HAGH: variants seen among roughly 807,000 people sequenced by gnomAD.
HAGH encodes the protein hydroxyacylglutathione hydrolase, also known as hydroxyacylglutathione hydrolase, mitochondrial.
Under a neutral mutation model 35.1 loss-of-function variants are expected in HAGH, and 29 were observed. The ratio of observed to expected loss-of-function variants is 0.83; its 90% confidence interval spans 0.62 to 1.13. HAGH has a LOEUF of 1.13. HAGH is among the 50% of genes most tolerant of loss of function. The probability of loss-of-function intolerance (pLI) is 0.00; values close to 1 mark genes in which losing one functional copy is unlikely to be tolerated. For missense variants in HAGH, 478 were observed against 419.6 expected, an observed-to-expected ratio of 1.14 and a Z score of -1.22; for synonymous variants, 225 against 176.1, an observed-to-expected ratio of 1.28 and a Z score of -2.20.
chr16:1,812,071 A>G (rs1268738816), intron 7 of HAGH, among the ~76,000 whole-genome samples: 1 of 151,986 alleles, frequency 6.6e-6, no homozygotes, highest in African/African-American at 2.4e-5. Context: ...ACAGGCCTGT[A>G]GTCCCAGGTA....
intron 7 of HAGH, among the ~76,000 whole-genome samples, chr16:1,814,642 G>A (rs976292757): frequency 5.9e-5 from 9 of 152,284 alleles, no homozygotes; most frequent in Middle Eastern, 3.4e-3. Context: ...GGTCACGCCT[G>A]TAATCCCAGC....
intron 7 of HAGH, 68 bp from the exon 8 acceptor site, chr16:1,809,901 C>T (rs965012387): frequency 3.3e-5 from 38 of 1,168,946 alleles, no homozygotes; most frequent in East Asian, 4.7e-5. Flanking sequence ...CGGAGGCTCA[C>T]GTCTGTGATA....
At chr16:1,809,701 G>C in intron 8 of HAGH, 53 bp downstream of exon 8, 1 of 1,255,234 alleles carries the variant, frequency 8.0e-7, no homozygotes, top group Admixed American at 1.7e-5. Flanking sequence ...GTGTGCAGCA[G>C]TGGGACTGCC....
intron 7 of HAGH, among the ~76,000 whole-genome samples, chr16:1,811,418 A>G (rs1458102763): frequency 6.6e-6 from 1 of 152,016 alleles, no homozygotes; most frequent in Non-Finnish European, 1.5e-5. Context: ...TGTCTCCCAA[A>G]GAAAGAACAA....
chr16:1,826,032 TG>T (rs1428343939), intron 1 of HAGH, among the ~76,000 whole-genome samples: 1 of 152,224 alleles, frequency 6.6e-6, no homozygotes, highest in Non-Finnish European at 1.5e-5. Context: ...TCCCTAAAAC[TG>T]TAATTCTGAG....
intron 1 of HAGH, 110 bp downstream of exon 1, chr16:1,826,602 C>T: frequency 1.0e-6 from 1 of 982,152 alleles, no homozygotes; most frequent in African/African-American, 1.8e-5. Context: ...GCCTTAGGCA[C>T]CTGCGCAACA....
Position 1,819,739 on chromosome 16 carries a change from T to C in HAGH, c.432+158A>G, listed in dbSNP as rs1430251340. The C allele has an allele frequency of 2.1e-5, 14 of 652,720 alleles. No homozygotes were observed. In the South Asian group the frequency reaches 2.4e-4, roughly 11 times the overall value. 40.4% of individuals were successfully genotyped at this position (652,720 alleles called of 1,614,324 possible). ...CGCGTTTTGCACACTCCTCTCCTTG[T>C]GCCTAGACAGAGAAGACCATCCACG... On this transcript the variant is annotated intron_variant, in intron 4 of 8. Coordinates refer to ENST00000397356, the MANE Select transcript of HAGH (RefSeq NM_005326.6).
intron 7 of HAGH, among the ~76,000 whole-genome samples, chr16:1,813,415 T>G (rs1213344712): frequency 6.6e-6 from 1 of 152,166 alleles, no homozygotes; most frequent in Non-Finnish European, 1.5e-5. Flanking sequence ...CAAGTATTCC[T>G]TTATAGCAAC....
intron 7 of HAGH, among the ~76,000 whole-genome samples, chr16:1,816,023 C>T (rs1446290704): frequency 5.8e-5 from 8 of 138,650 alleles, no homozygotes; most frequent in African/African-American, 2.2e-4. Flanking sequence ...TCACTGCAAC[C>T]TCTGCCTCCT....
chr16:1,812,874 G>C (rs1041974936), intron 7 of HAGH, among the ~76,000 whole-genome samples: 1 of 151,494 alleles, frequency 6.6e-6, no homozygotes, highest in Non-Finnish European at 1.5e-5. Context: ...TGGCTCCACC[G>C]CGTGGGCTGG....
At chr16:1,820,276 C>T (rs1012038786) in intron 3 of HAGH, among the ~76,000 whole-genome samples, 5 of 129,588 alleles carry the variant, frequency 3.9e-5, no homozygotes, top group Admixed American at 3.5e-4. Context: ...CCCACCCCCA[C>T]ATCCTAGGGC....
chr16:1,817,184 C>G lies in HAGH; in HGVS notation c.629G>C (p.Arg210Pro), dbSNP rs147193178. 2.7e-5 allele frequency: 43 copies of G among 1,609,430 alleles called. No individual in the cohort carries two copies. In the East Asian group the frequency reaches 9.6e-4, roughly 36 times the overall value. The change falls in exon 6 of 9, where the codon CGG becomes CCG. Residue 210 changes from arginine to proline, a missense_variant. Transcript: ENST00000397356. ...GCTGCCTACTGTGTCCGGGGGGAGC[C>G]GGCCCAAGACCTCCAGCAGAGCTTT... ...MCKALLEVLG[R>P]LPPDTRVYCG...
At chr16:1,813,989 A>T (rs1469166705) in intron 7 of HAGH, among the ~76,000 whole-genome samples, 2 of 152,214 alleles carry the variant, frequency 1.3e-5, no homozygotes, top group African/African-American at 4.8e-5. Flanking sequence ...CCTCGGGATC[A>T]CACTGCGAGA....
chr16:1,826,823 A>T lies in HAGH; in HGVS notation c.-36T>A, dbSNP rs943605733. 1.8e-5 allele frequency: 21 copies of T among 1,199,014 alleles called. No homozygotes were observed. The highest frequency in any genetic ancestry group is 3.9e-5 in the Admixed American group (1 of 25,470). 74.3% of individuals were successfully genotyped at this position (1,199,014 alleles called of 1,614,324 possible). ...GGGCTGGACTGCCGAGCTGCCCAGG[A>T]CTGCAAAACACCGGCGTCGGCGCGT... On this transcript the variant is annotated 5_prime_UTR_variant, in exon 1 of 9. Coordinates refer to ENST00000397356, the MANE Select transcript of HAGH (RefSeq NM_005326.6).
upstream of HAGH, chr16:1,826,982 G>C (rs929492834): frequency 6.6e-6 from 4 of 610,382 alleles, no homozygotes; most frequent in South Asian, 3.2e-5. Flanking sequence ...GCCGGGAGAC[G>C]GGCCTGGGAG....
chr16:1,819,893 T>C lies in HAGH; in HGVS notation c.432+4A>G. ...CTGGAGCACCTCCAGGGCTCACTCC[T>C]TACCTGCAGTGTGGACAGGTGAGTG... On this transcript the variant is annotated splice_donor_region_variant and intron_variant, in intron 4 of 8. Coordinates refer to ENST00000397356, the MANE Select transcript of HAGH (RefSeq NM_005326.6). 6.3e-7 allele frequency: 1 copy of C among 1,582,696 alleles called. No individual in the cohort carries two copies. The highest frequency in any genetic ancestry group is 1.3e-5 in the African/African-American group (1 of 74,242).
intron 7 of HAGH, among the ~76,000 whole-genome samples, chr16:1,812,009 C>T (rs9938397): frequency 6.6e-6 from 1 of 151,508 alleles, no homozygotes. Flanking sequence ...TAGGCAACAT[C>T]GTGTAAACCC....
At chr16:1,821,979 C>A in intron 3 of HAGH, 2 of 281,026 alleles carry the variant, frequency 7.1e-6, no homozygotes, top group Non-Finnish European at 6.8e-6. Context: ...AAACCACTCA[C>A]CTGTAGACTC....
intron 7 of HAGH, chr16:1,810,427 G>GCACCCTCA: frequency 6.5e-6 from 1 of 153,390 alleles, no homozygotes; most frequent in Non-Finnish European, 1.5e-5. Flanking sequence ...CGCCACAGCT[G>GCACCCTCA]CAGCCTCACA....
Sources: gnomAD v4.1 joint callset for allele counts (sites outside exome capture counted in the v4.1 genomes callset) on GRCh38, gnomAD v4.1.1 for gene constraint, MANE v1.5 for transcripts, NCBI Gene and HGNC (gene_info 2026-07-23, HGNC 2026-07-21) for gene names.